IL36G: variants seen among roughly 807,000 people sequenced by gnomAD.
IL36G encodes the protein interleukin-36 gamma.
A neutral mutation model predicts 13.5 loss-of-function variants in IL36G; 10 were observed. The observed-to-expected ratio is 0.74, with a 90% CI of 0.46 to 1.26. The LOEUF is 1.26. Among genes scored for constraint, IL36G ranks in the 50% most tolerant of loss-of-function variants. The probability of loss-of-function intolerance (pLI) is 0.00; values close to 1 mark genes in which losing one functional copy is unlikely to be tolerated. For missense variants in IL36G, 199 were observed against 203.0 expected, an observed-to-expected ratio of 0.98 and a Z score of 0.12; for synonymous variants, 84 against 74.0, an observed-to-expected ratio of 1.13 and a Z score of -0.69.
At chr2:112,984,482 A>G (rs1462211407) in intron 4 of IL36G, among the ~76,000 whole-genome samples, 1 of 152,058 alleles carries the variant, frequency 6.6e-6, no homozygotes, top group Non-Finnish European at 1.5e-5. Context: ...AGTGACTCTC[A>G]CTGTTGTGGT....
Position 112,979,994 on chromosome 2 carries a change from C to G in IL36G, c.161-15C>G, listed in dbSNP as rs1291090055. The G allele has an allele frequency of 1.9e-6, 3 of 1,610,912 alleles. No homozygotes were observed. The highest frequency in any genetic ancestry group is 2.5e-6 in the Non-Finnish European group (3 of 1,178,900). Reference sequence around the variant, plus strand: ...CAAAAGGAAACTGATACCATCTCTCCTCTTATCTTTACAGTCACTGTTGCT... The same window carrying G: ...CAAAAGGAAACTGATACCATCTCTCGTCTTATCTTTACAGTCACTGTTGCT... On this transcript the variant is annotated splice_polypyrimidine_tract_variant and intron_variant, in intron 3 of 4. Coordinates refer to ENST00000259205, the MANE Select transcript of IL36G (RefSeq NM_019618.4).
rs1028231740 is a variant in IL36G at position 112,981,172 on chromosome 2, A to C, written c.300+1024A>C. ...CAAAAATGCACACACTACACTTGGC[A>C]TCTGCAGCACCTTCAGCTTTCTGTG... On this transcript the variant is annotated intron_variant, in intron 4 of 4. Transcript: ENST00000259205. 3.4e-6 allele frequency: 4 copies of C among 1,183,074 alleles called. No homozygotes were observed. In the African/African-American group the frequency reaches 4.5e-5, roughly 13 times the overall value. 73.3% of individuals were successfully genotyped at this position (1,183,074 alleles called of 1,614,324 possible).
At chr2:112,978,754 C>A (rs1684209763) in intron 2 of IL36G, 61 bp downstream of exon 2, 2 of 1,514,556 alleles carry the variant, frequency 1.3e-6, no homozygotes, top group South Asian at 1.1e-5. Flanking sequence ...CTCACGCTAT[C>A]TCCTGTGGAA....
Position 112,980,025 on chromosome 2 carries a change from C to G in IL36G, c.177C>G (p.Ile59Met). ...DSVTPVTVAV[I>M]TCKYPEALEQ... ...TCTTTACAGTCACTGTTGCTGTTAT[C>G]ACATGCAAGTATCCAGAGGCTCTTG... Residue 59 changes from isoleucine to methionine, a missense_variant, in exon 4 of 5, where the codon ATC becomes ATG. Transcript: ENST00000259205. 2.5e-6 allele frequency: 4 copies of G among 1,612,986 alleles called. No homozygotes were observed. Among genetic ancestry groups the G allele is most frequent in the Non-Finnish European group, 3.4e-6 (4 of 1,179,390 alleles).
intron 4 of IL36G, among the ~76,000 whole-genome samples, chr2:112,980,910 T>G (rs1684249777): frequency 6.6e-6 from 1 of 152,248 alleles, no homozygotes; most frequent in Non-Finnish European, 1.5e-5. Context: ...TCCCTCCTCC[T>G]GGGAGCCAAG....
rs1684331703 is a variant in IL36G, at chr2:112,985,299, A to C, written c.*250A>C. The C allele has an allele frequency of 2.1e-6, 1 of 467,136 alleles. No individual in the cohort carries two copies. The highest frequency in any genetic ancestry group is 3.9e-5 in the East Asian group (1 of 25,806). The allele number at this position is 467,136 out of a possible 1,614,324, so 28.9% of individuals were successfully genotyped here. A position where few individuals can be genotyped will look rare whatever the true frequency, so the allele number is the denominator to read the frequency against. On this transcript the variant is annotated 3_prime_UTR_variant, in exon 5 of 5. Coordinates refer to ENST00000259205, the MANE Select transcript of IL36G (RefSeq NM_019618.4). ...CTCAAGCTGGTGCTGTGTAGGCCAC[A>C]AGGCATCTGCATGAGTGACTTTAAG...
intron 4 of IL36G, among the ~76,000 whole-genome samples, chr2:112,981,873 T>C (rs34216066): frequency 1.3e-5 from 2 of 152,232 alleles, no homozygotes; most frequent in African/African-American, 2.4e-5. Flanking sequence ...GTTCTTTTTT[T>C]ATTTTTTAAT....
At chr2:112,983,828 G>A (rs988559485) in intron 4 of IL36G, among the ~76,000 whole-genome samples, 1 of 152,126 alleles carries the variant, frequency 6.6e-6, no homozygotes, top group Non-Finnish European at 1.5e-5. Context: ...CCTGCCTTAT[G>A]GAGAATGATT....
Position 112,978,485 on chromosome 2 carries a change from G to A in IL36G, c.-19-135G>A, listed in dbSNP as rs2121335. 1.9e-4 allele frequency: 130 copies of A among 690,686 alleles called. No homozygotes were observed. The South Asian group carries it at 2.2e-3, about 12-fold the overall frequency. 42.8% of individuals were successfully genotyped at this position (690,686 alleles called of 1,614,324 possible). Reference sequence around the variant, plus strand: ...CAAGTTTCGTCCCAGATGTGGCTCAGAACTTCTGCCCAGAGCTTCGTGTCA... The same window carrying A: ...CAAGTTTCGTCCCAGATGTGGCTCAAAACTTCTGCCCAGAGCTTCGTGTCA... On this transcript the variant is annotated intron_variant, in intron 1 of 4. Transcript: ENST00000259205.
intron 4 of IL36G, among the ~76,000 whole-genome samples, chr2:112,983,867 ACATT>A (rs1684307853): frequency 2.0e-5 from 3 of 152,216 alleles, no homozygotes; most frequent in Admixed American, 1.3e-4. Flanking sequence ...TTCAAGGAGA[ACATT>A]TAGAAGGTCA....
intron 4 of IL36G, 80 bp from the exon 5 acceptor site, chr2:112,984,760 T>C (rs1684323595): frequency 3.3e-6 from 4 of 1,204,142 alleles, no homozygotes; most frequent in Non-Finnish European, 4.8e-6. Flanking sequence ...TTTGGAACAT[T>C]TATTGAATTA....
chr2:112,979,420 C>A, intron 3 of IL36G, 95 bp downstream of exon 3: 2 of 715,786 alleles, frequency 2.8e-6, no homozygotes, highest in Non-Finnish European at 4.9e-6. Context: ...TACAATGGGG[C>A]CCACCAGGAG....
Position 112,979,341 on chromosome 2 carries a change from G to A in IL36G, c.160+16G>A. The A allele has an allele frequency of 1.4e-6, 2 of 1,466,700 alleles. No individual in the cohort carries two copies. The highest frequency in any genetic ancestry group is 1.9e-6 in the Non-Finnish European group (2 of 1,045,928). The allele number at this position is 1,466,700 out of a possible 1,614,324, so 90.9% of individuals were successfully genotyped here. On this transcript the variant is annotated intron_variant, in intron 3 of 4. Coordinates refer to ENST00000259205, the MANE Select transcript of IL36G (RefSeq NM_019618.4). ...GTGACCCCAGGTGAGTGGTCACCCT[G>A]TGCCTTCCCCACTGTTTGCACTGCT... is the stretch of plus-strand genomic sequence containing the variant.
chr2:112,979,770 G>A (rs967521633), intron 3 of IL36G, among the ~76,000 whole-genome samples: 1 of 152,126 alleles, frequency 6.6e-6, no homozygotes, highest in Non-Finnish European at 1.5e-5. Context: ...AATCTCAAGA[G>A]CATACTCTGT....
chr2:112,985,166 G>A lies in IL36G; in HGVS notation c.*117G>A, dbSNP rs1182144818. On this transcript the variant is annotated 3_prime_UTR_variant, in exon 5 of 5. Transcript: ENST00000259205. Reference sequence around the variant, plus strand: ...CTGGTGCTGAGACAGGGGCAAGGCTGCTGTTATCATCTCATTTTATAATGA... The same window carrying A: ...CTGGTGCTGAGACAGGGGCAAGGCTACTGTTATCATCTCATTTTATAATGA... 7.7e-5 allele frequency: 51 copies of A among 661,564 alleles called. No homozygotes were observed. The highest frequency in any genetic ancestry group is 7.8e-6 in the Non-Finnish European group (3 of 386,698). 41.0% of individuals were successfully genotyped at this position (661,564 alleles called of 1,614,324 possible). A position where few individuals can be genotyped will look rare whatever the true frequency, so the allele number is the denominator to read the frequency against.
At chr2:112,980,803 G>C (rs1253338806) in intron 4 of IL36G, among the ~76,000 whole-genome samples, 1 of 152,220 alleles carries the variant, frequency 6.6e-6, no homozygotes, top group Non-Finnish European at 1.5e-5. Context: ...AATCTATGCT[G>C]AAAGATGGAA....
Position 112,984,952 on chromosome 2 carries a change from G to C in IL36G, c.413G>C (p.Trp138Ser). The C allele has an allele frequency of 6.2e-7, 1 of 1,614,022 alleles. No homozygotes were observed. The highest frequency in any genetic ancestry group is 8.5e-7 in the Non-Finnish European group (1 of 1,179,952). ...CTTGAGTCTGTGGCCTTCCCGGACT[G>C]GTTCATTGCCTCCTCCAAGAGAGAC... is the stretch of plus-strand genomic sequence containing the variant. ...STLESVAFPDWFIASSKRDQP... is the reference protein window; with the variant it reads ...STLESVAFPDSFIASSKRDQP... The change falls in exon 5 of 5, where the codon TGG becomes TCG. Residue 138 changes from tryptophan to serine, a missense_variant. Trp to Ser is a radical substitution (Grantham distance 177). Coordinates refer to ENST00000259205, the MANE Select transcript of IL36G (RefSeq NM_019618.4).
intron 4 of IL36G, among the ~76,000 whole-genome samples, chr2:112,983,778 T>C (rs376834225): frequency 6.6e-5 from 10 of 152,252 alleles, no homozygotes; most frequent in African/African-American, 2.4e-4. Context: ...CAAAAGGGTA[T>C]CATAATCTTA....
chr2:112,978,087 A>C lies in IL36G; in HGVS notation c.-20+9A>C, dbSNP rs551540413. 6.3e-6 allele frequency: 1 copy of C among 158,890 alleles called. No homozygotes were observed. The highest frequency in any genetic ancestry group is 2.4e-5 in the African/African-American group (1 of 41,624). The allele number at this position is 158,890 out of a possible 1,614,324, so 9.8% of individuals were successfully genotyped here. ...AGACCCTTTCTTGCCAGGTATAGTC[A>C]ATAGCTGGAAAACCTCTTCTCCCTC... On this transcript the variant is annotated intron_variant, in intron 1 of 4. Transcript: ENST00000259205.
Sources: gnomAD v4.1 joint callset for allele counts (sites outside exome capture counted in the v4.1 genomes callset) on GRCh38, gnomAD v4.1.1 for gene constraint, MANE v1.5 for transcripts, NCBI Gene and HGNC (gene_info 2026-07-23, HGNC 2026-07-21) for gene names.